Variants in SMURF1 observed in about 807,000 individuals in gnomAD.
SMURF1 encodes SMAD specific E3 ubiquitin protein ligase 1.
A neutral mutation model predicts 98.0 loss-of-function variants in SMURF1; 44 were observed. The observed-to-expected ratio is 0.45, with a 90% CI of 0.35 to 0.58. SMURF1 has a LOEUF of 0.58. SMURF1 is among the 20% of genes least tolerant of loss of function. The pLI, the probability that SMURF1 is intolerant of heterozygous loss-of-function variation, is 0.00. For missense variants in SMURF1, 687 were observed against 938.4 expected, an observed-to-expected ratio of 0.73 and a Z score of 3.50; for synonymous variants, 396 against 374.9, an observed-to-expected ratio of 1.06 and a Z score of -0.65.
chr7:99,078,264 T>C (rs1019328311), intron 1 of SMURF1, among the ~76,000 whole-genome samples: 3 of 145,244 alleles, frequency 2.1e-5, no homozygotes. Flanking sequence ...ATCATACCAG[T>C]GCACTCCAGC....
chr7:99,030,962 C>A, intron 17 of SMURF1: 3 of 313,728 alleles, frequency 9.6e-6, no homozygotes, highest in Non-Finnish European at 1.2e-5. Context: ...GCCCTCTCAA[C>A]GTGCTGGGAG....
In SMURF1 at chr7:99,030,842, C is replaced by T. The variant is rs1005907789; in HGVS notation, c.2097-159G>A. ...TCTCCATGTCCCCTGTGTTTTTCTGCTTCTAATACAAAGATTTGTAATTTG... is the reference window on the plus strand; with the variant it reads ...TCTCCATGTCCCCTGTGTTTTTCTGTTTCTAATACAAAGATTTGTAATTTG... On this transcript the variant is annotated intron_variant, in intron 17 of 17. Coordinates refer to ENST00000361368, the MANE Select transcript of SMURF1 (RefSeq NM_181349.3). The T allele has an allele frequency of 9.1e-6, 5 of 550,908 alleles. No homozygotes were observed. In the Admixed American group the frequency reaches 1.3e-4, roughly 15 times the overall value. 34.1% of individuals were successfully genotyped at this position (550,908 alleles called of 1,614,324 possible).
At chr7:99,066,505 A>G (rs1490467167) in intron 1 of SMURF1, among the ~76,000 whole-genome samples, 1 of 152,180 alleles carries the variant, frequency 6.6e-6, no homozygotes, top group Non-Finnish European at 1.5e-5. Context: ...GGCCAGACAC[A>G]ATGGCTCATG....
At position 99,068,480 on chromosome 7, in the gene SMURF1, C is replaced by G. The variant is rs190335752; in HGVS notation, c.56-6643G>C. On this transcript the variant is annotated intron_variant, in intron 1 of 17. Transcript: ENST00000361368. Reference sequence around the variant, plus strand: ...TAATTTTCCTATTTTTAAAAAATCTCTGTAGAAACAAGGTCTCACTATGTT... The same window carrying G: ...TAATTTTCCTATTTTTAAAAAATCTGTGTAGAAACAAGGTCTCACTATGTT... Among the ~76,000 whole-genome samples the G allele has an allele frequency of 1.4e-4, 22 of 152,208 alleles. No homozygotes were observed. The East Asian group carries it at 4.3e-3, about 29-fold the overall frequency.
At chr7:99,040,813 G>A (rs1795347458) in intron 12 of SMURF1, among the ~76,000 whole-genome samples, 1 of 152,192 alleles carries the variant, frequency 6.6e-6, no homozygotes, top group Non-Finnish European at 1.5e-5. Context: ...ACTGGCAGAG[G>A]AGCCCCGTGT....
chr7:99,130,019 T>C (rs1325964957), intron 1 of SMURF1, among the ~76,000 whole-genome samples: 2 of 152,214 alleles, frequency 1.3e-5, no homozygotes, highest in East Asian at 3.8e-4. Flanking sequence ...AAAAACTAAA[T>C]TATTTTTCTT....
At chr7:99,056,896 G>T (rs1322447721) in intron 5 of SMURF1, among the ~76,000 whole-genome samples, 1 of 151,330 alleles carries the variant, frequency 6.6e-6, no homozygotes, top group Non-Finnish European at 1.5e-5. Context: ...CCAAGTACTC[G>T]GGAGGCTGAG....
chr7:99,038,111 CA>C, intron 14 of SMURF1, among the ~76,000 whole-genome samples: 1 of 152,258 alleles, frequency 6.6e-6, no homozygotes, highest in East Asian at 1.9e-4. Flanking sequence ...CTTTGCCCCC[CA>C]CCTTTGCACC....
intron 1 of SMURF1, among the ~76,000 whole-genome samples, chr7:99,068,889 G>C (rs899539997): frequency 4.6e-5 from 7 of 151,904 alleles, no homozygotes; most frequent in African/African-American, 1.7e-4. Context: ...CCTACATTCA[G>C]GGTCCAGGCC....
rs73709548 is a variant in SMURF1 at position 99,109,329 on chromosome 7, A to G, written c.55+34397T>C. On this transcript the variant is annotated intron_variant, in intron 1 of 17. Coordinates refer to ENST00000361368, the MANE Select transcript of SMURF1 (RefSeq NM_181349.3). ...TAGCCCCAGGTTGTCCTCAGGCTAT[A>G]CTGTGTTCACTCCCTCACTGGCTGG... Among the ~76,000 whole-genome samples, 1,320 of 152,224 alleles carry G rather than the reference A, an allele frequency of 8.7e-3. 22 individuals carry two copies. Among genetic ancestry groups the G allele is most frequent in the African/African-American group, 0.029 (1,199 of 41,526 alleles).
intron 5 of SMURF1, 48 bp from the exon 6 acceptor site, chr7:99,054,913 T>G (rs1162139131): frequency 1.3e-6 from 2 of 1,526,286 alleles, no homozygotes. Context: ...GGGGTTTACA[T>G]AATTATAATA....
intron 1 of SMURF1, among the ~76,000 whole-genome samples, chr7:99,063,363 G>C (rs1796112760): frequency 1.4e-5 from 2 of 142,286 alleles, no homozygotes; most frequent in Admixed American, 1.4e-4. Flanking sequence ...CACAATCATA[G>C]CTCACTGTAG....
At chr7:99,071,807 C>G (rs1796330473) in intron 1 of SMURF1, among the ~76,000 whole-genome samples, 1 of 152,164 alleles carries the variant, frequency 6.6e-6, no homozygotes. Context: ...GACTCAGCGG[C>G]TCATGCCTGT....
At chr7:99,041,387 G>A (rs1317975843) in intron 12 of SMURF1, among the ~76,000 whole-genome samples, 1 of 152,172 alleles carries the variant, frequency 6.6e-6, no homozygotes, top group Non-Finnish European at 1.5e-5. Flanking sequence ...GGGGGACACA[G>A]CGAGACTCTC....
chr7:99,097,327 G>A (rs747092102), intron 1 of SMURF1, among the ~76,000 whole-genome samples: 2 of 152,154 alleles, frequency 1.3e-5, no homozygotes, highest in Non-Finnish European at 1.5e-5. Context: ...TCACGGCTCC[G>A]AATTTTCAAC....
At chr7:99,049,852 T>TA in intron 8 of SMURF1, 143 bp from the exon 9 acceptor site, 1 of 731,112 alleles carries the variant, frequency 1.4e-6, no homozygotes, top group Non-Finnish European at 2.2e-6. Flanking sequence ...TGGTGCTACT[T>TA]ACGCCAAACC....
At position 99,037,076 on chromosome 7, in the gene SMURF1, C is replaced by T; in HGVS notation, c.1800G>A (p.Lys600=). 6.2e-7 allele frequency: 1 copy of T among 1,613,972 alleles called. No individual in the cohort carries two copies. Among genetic ancestry groups the T allele is most frequent in the East Asian group, 2.2e-5 (1 of 44,886 alleles). The change falls in exon 15 of 18, where the codon AAG becomes AAA. Residue 600 remains lysine, a synonymous_variant. Coordinates refer to ENST00000361368, the MANE Select transcript of SMURF1 (RefSeq NM_181349.3). The part of the protein sequence containing the change: ...PQHLLKPFDQ[K]ELELIIGGLD... ...CACAGCAGGCACATACCTCCAGTTC[C>T]TTCTGGTCAAAAGGCTTCAGCAGAT...
intron 1 of SMURF1, among the ~76,000 whole-genome samples, chr7:99,107,447 T>C (rs1477497398): frequency 1.3e-5 from 2 of 152,186 alleles, no homozygotes; most frequent in Non-Finnish European, 2.9e-5. Context: ...ATTTTTGTAA[T>C]TGTCACCAAA....
intron 3 of SMURF1, 128 bp from the exon 4 acceptor site, chr7:99,057,679 A>C (rs1467182381): frequency 3.6e-6 from 4 of 1,105,460 alleles, no homozygotes; most frequent in Non-Finnish European, 4.8e-6. Context: ...ATCTCAGCTC[A>C]CTGCAACTCC....
Sources: allele counts gnomAD v4.1 joint callset (sites outside exome capture counted in the v4.1 genomes callset), GRCh38; gene constraint gnomAD v4.1.1; transcripts MANE v1.5; gene names NCBI Gene and HGNC (gene_info 2026-07-23, HGNC 2026-07-21).